The following YME1L1 variants were observed in gnomAD, a reference collection of about 807,000 sequenced individuals.
YME1L1 encodes YME1 like 1 ATPase.
In YME1L1, 39 loss-of-function variants were observed where a neutral mutation model predicts 90.4. The observed-to-expected ratio is 0.43, with a 90% CI of 0.33 to 0.56. The LOEUF is 0.56. YME1L1 is among the 20% of genes least tolerant of loss of function. The probability of loss-of-function intolerance (pLI) is 0.03; values close to 1 mark genes in which losing one functional copy is unlikely to be tolerated. For synonymous variants in YME1L1, 284 were observed against 287.3 expected, an observed-to-expected ratio of 0.99 and a Z score of 0.12; for missense variants, 617 against 868.4, an observed-to-expected ratio of 0.71 and a Z score of 3.64.
At chr10:27,132,612 G>A (rs1170259083) in intron 7 of YME1L1, among the ~76,000 whole-genome samples, 1 of 151,796 alleles carries the variant, frequency 6.6e-6, no homozygotes, top group Non-Finnish European at 1.5e-5. Flanking sequence ...GCAAGGTGAG[G>A]AGATCGAGAC....
intron 9 of YME1L1, 123 bp downstream of exon 9, chr10:27,126,573 T>G (rs1272916496): frequency 1.1e-5 from 6 of 564,092 alleles, no homozygotes; most frequent in Non-Finnish European, 1.8e-5. Context: ...ATCTATTTTG[T>G]AAAATAGCAA....
rs187880344 is a variant in YME1L1 at position 27,153,463 on chromosome 10, T to C, written c.33+715A>G. ...ACTGTAGGAACTCTCAAAAAATCTATTAAAATGTTACCATCAAAAAAAGAG... is the reference window on the plus strand; with the variant it reads ...ACTGTAGGAACTCTCAAAAAATCTACTAAAATGTTACCATCAAAAAAAGAG... On this transcript the variant is annotated intron_variant, in intron 1 of 18. Coordinates refer to ENST00000376016, the MANE Select transcript of YME1L1 (RefSeq NM_014263.4). Among the ~76,000 whole-genome samples the C allele has an allele frequency of 3.8e-3, 583 of 152,296 alleles. 1 individual carries two copies. Among genetic ancestry groups the C allele is most frequent in the South Asian group, 8.5e-3 (41 of 4,824 alleles).
At position 27,150,105 on chromosome 10, in the gene YME1L1, C is replaced by CA. The variant is rs199996869; in HGVS notation, c.34-1066dup. On this transcript the variant is annotated intron_variant, in intron 1 of 18. Coordinates refer to ENST00000376016, the MANE Select transcript of YME1L1 (RefSeq NM_014263.4). ...ATAAATAAATAAATAAAAATGAAAA[C>CA]AAAAAAAACACTTGAGCCCAGGAAG... 5.4e-3 allele frequency among the ~76,000 whole-genome samples: 804 copies of CA among 149,204 alleles called. 9 individuals are homozygous for CA. Among genetic ancestry groups the CA allele is most frequent in the African/African-American group, 0.018 (741 of 40,458 alleles).
At chr10:27,118,906 A>G (rs2056839252) in intron 14 of YME1L1, among the ~76,000 whole-genome samples, 1 of 152,170 alleles carries the variant, frequency 6.6e-6, no homozygotes, top group Non-Finnish European at 1.5e-5. Context: ...ACTAGAATAT[A>G]TTTGTTTCGT....
intron 9 of YME1L1, among the ~76,000 whole-genome samples, chr10:27,125,527 G>C (rs2056909570): frequency 1.3e-5 from 2 of 151,522 alleles, no homozygotes; most frequent in African/African-American, 4.8e-5. Flanking sequence ...TCCTGAACTG[G>C]GGAAGTGGGT....
Position 27,134,126 on chromosome 10 carries a change from G to A in YME1L1, c.692-4C>T, listed in dbSNP as rs760584972. The A allele has an allele frequency of 7.5e-6, 12 of 1,606,584 alleles. No individual in the cohort carries two copies. The East Asian group carries it at 2.7e-4, about 36-fold the overall frequency. On this transcript the variant is annotated splice_region_variant and splice_polypyrimidine_tract_variant and intron_variant, in intron 6 of 18. Coordinates refer to ENST00000376016, the MANE Select transcript of YME1L1 (RefSeq NM_014263.4). ...AGACGGGTTCGCCTTAGGGAATCTA[G>A]GAGAGAAAGAAAAAGCTTTACATGA...
intron 17 of YME1L1, 75 bp from the exon 18 acceptor site, chr10:27,114,682 C>T (rs76450108): frequency 9.0e-7 from 1 of 1,109,786 alleles, no homozygotes; most frequent in Non-Finnish European, 1.3e-6. Context: ...AAAGTACTAT[C>T]CTATATATAA....
intron 14 of YME1L1, 60 bp downstream of exon 14, chr10:27,119,233 CT>C: frequency 1.3e-6 from 2 of 1,482,492 alleles, no homozygotes; most frequent in South Asian, 2.8e-5. Context: ...GTATTTGCCC[CT>C]AAATGAATTA....
intron 2 of YME1L1, chr10:27,147,803 C>A: frequency 8.2e-7 from 1 of 1,226,050 alleles, no homozygotes; most frequent in South Asian, 1.5e-5. Flanking sequence ...TCCTGGCGTG[C>A]ACAATGGCCA....
rs1464859420 is a variant in YME1L1, at chr10:27,119,334, G to T, written c.1527C>A (p.Thr509=). ...KAAVDGKEMV[T]MKELEFSKDK... is the part of the protein sequence containing the mutation. The stretch of plus-strand genomic sequence containing the variant: ...CTTTGGAAAACTCCAGCTCCTTCAT[G>T]GTAACCATTTCTTTTCCATCAACAG... Residue 509 remains threonine, a synonymous_variant, in exon 14 of 19, where the codon ACC becomes ACA. Coordinates refer to ENST00000376016, the MANE Select transcript of YME1L1 (RefSeq NM_014263.4). 1 of 1,612,602 alleles carries T rather than the reference G, an allele frequency of 6.2e-7. No homozygotes were observed. Among genetic ancestry groups the T allele is most frequent in the African/African-American group, 1.3e-5 (1 of 74,748 alleles).
chr10:27,114,447 GTTA>G, intron 18 of YME1L1, 71 bp downstream of exon 18: 2 of 1,218,636 alleles, frequency 1.6e-6, no homozygotes, highest in Non-Finnish European at 2.3e-6. Flanking sequence ...GCCTTCAGCT[GTTA>G]TTTTTTAAGA....
chr10:27,147,930 C>T (rs577898003), intron 2 of YME1L1, among the ~76,000 whole-genome samples: 1 of 152,204 alleles, frequency 6.6e-6, no homozygotes, highest in East Asian at 1.9e-4. Flanking sequence ...ATTTCTAGCA[C>T]GTTACCCTGG....
chr10:27,148,199 ATATTTATT>A (rs60147959), intron 2 of YME1L1, among the ~76,000 whole-genome samples: 1 of 150,546 alleles, frequency 6.6e-6, no homozygotes, highest in African/African-American at 2.5e-5. Flanking sequence ...TTACATTTTT[ATATTTATT>A]TATTTATTTA....
chr10:27,121,221 C>T (rs1448308974), intron 12 of YME1L1, among the ~76,000 whole-genome samples, 165 bp downstream of exon 12: 1 of 152,182 alleles, frequency 6.6e-6, no homozygotes, highest in African/African-American at 2.4e-5. Context: ...TCTCCCTAAC[C>T]TCTGGTAACC....
rs1467422266 is a variant in YME1L1 at position 27,121,420 on chromosome 10, T to A, written c.1264A>T (p.Ile422Leu). The A allele has an allele frequency of 6.2e-7, 1 of 1,607,140 alleles. No homozygotes were observed. Among genetic ancestry groups the A allele is most frequent in the East Asian group, 2.2e-5 (1 of 44,812 alleles). The change falls in exon 12 of 19, where the codon ATA becomes TTA. Residue 422 changes from isoleucine to leucine, a missense_variant. Around this residue, in one of 4 missense-constraint regions of YME1L1, gnomAD observed 93 missense variants for 184.8 expected, o/e 0.50. Coordinates refer to ENST00000376016, the MANE Select transcript of YME1L1 (RefSeq NM_014263.4). ...GFKPNEGVII[I>L]GATNFPEALD... ...GCCTCTGGGAAGTTTGTGGCTCCTATTATGATAACTCCTTCATTGGGTTTA... is the reference window on the plus strand; with the variant it reads ...GCCTCTGGGAAGTTTGTGGCTCCTAATATGATAACTCCTTCATTGGGTTTA...
intron 4 of YME1L1, among the ~76,000 whole-genome samples, chr10:27,139,651 CT>C (rs1564465490): frequency 6.6e-6 from 1 of 150,734 alleles, no homozygotes; most frequent in Non-Finnish European, 1.5e-5. Flanking sequence ...AAAATACTGT[CT>C]TTTAAACTTC....
At chr10:27,142,860 C>T (rs1402205125) in intron 3 of YME1L1, among the ~76,000 whole-genome samples, 3 of 152,042 alleles carry the variant, frequency 2.0e-5, no homozygotes, top group East Asian at 1.9e-4. Context: ...GGACTACAGG[C>T]GCCCGCCACC....
chr10:27,153,282 C>G, intron 1 of YME1L1: 1 of 469,702 alleles, frequency 2.1e-6, no homozygotes, highest in Non-Finnish European at 4.4e-6. Context: ...TTAGCCAGTA[C>G]TAGCACAAAA....
At chr10:27,129,471 G>A (rs1329228525) in intron 8 of YME1L1, 2 of 152,092 alleles carry the variant, frequency 1.3e-5, no homozygotes, top group Admixed American at 6.6e-5. Context: ...ACAGAGACAC[G>A]AATAAGTAAA....
Sources: allele counts gnomAD v4.1 joint callset (sites outside exome capture counted in the v4.1 genomes callset), GRCh38; gene constraint gnomAD v4.1.1; regional missense constraint gnomAD v4.1.1; transcripts MANE v1.5; gene names NCBI Gene and HGNC (gene_info 2026-07-23, HGNC 2026-07-21).